Variants in SLCO5A1 observed in about 807,000 individuals in gnomAD.
The protein encoded by SLCO5A1 is solute carrier organic anion transporter family member 5A1, also known as organic anion transporter polypeptide-related protein 4.
SLCO5A1 carries 39 observed loss-of-function variants against 65.1 expected under a neutral mutation model. That is an observed-to-expected ratio of 0.60 (90% CI 0.46 to 0.78). SLCO5A1 has a LOEUF of 0.78. Among genes scored for constraint, SLCO5A1 ranks in the 30% least tolerant of loss-of-function variants. The pLI is 0.00. For synonymous variants in SLCO5A1, 438 were observed against 415.7 expected, an observed-to-expected ratio of 1.05 and a Z score of -0.65; for missense variants, 1,029 against 1,069.4, an observed-to-expected ratio of 0.96 and a Z score of 0.53.
intron 2 of SLCO5A1, 27 bp downstream of exon 2, chr8:69,831,740 A>G (rs773262425): frequency 2.5e-6 from 4 of 1,592,344 alleles, no homozygotes; most frequent in Admixed American, 1.8e-5. Context: ...TGAGTGAAAC[A>G]TATCTGAGAG....
intron 2 of SLCO5A1, among the ~76,000 whole-genome samples, chr8:69,790,696 C>T (rs1309386196): frequency 6.6e-6 from 1 of 152,040 alleles, no homozygotes; most frequent in Non-Finnish European, 1.5e-5. Flanking sequence ...AACTGTGATA[C>T]GTGCACACAT....
At chr8:69,763,176 G>A (rs1817876825) in intron 2 of SLCO5A1, among the ~76,000 whole-genome samples, 1 of 151,944 alleles carries the variant, frequency 6.6e-6, no homozygotes. Flanking sequence ...GGGTGTGGTG[G>A]CACGTGCCTG....
intron 2 of SLCO5A1, among the ~76,000 whole-genome samples, chr8:69,763,140 T>C (rs1233615665): frequency 6.6e-6 from 1 of 151,896 alleles, no homozygotes; most frequent in African/African-American, 2.4e-5. Context: ...TGAAACCTCG[T>C]CTCTACTAAA....
At chr8:69,704,658 A>C (rs1195488466) in intron 6 of SLCO5A1, among the ~76,000 whole-genome samples, 6 of 152,362 alleles carry the variant, frequency 3.9e-5, no homozygotes, top group Admixed American at 6.5e-5. Context: ...GGTAAGAGCA[A>C]GAGGTTTCAC....
chr8:69,757,904 A>C (rs527751918), intron 3 of SLCO5A1, among the ~76,000 whole-genome samples: 2 of 152,254 alleles, frequency 1.3e-5, no homozygotes, highest in East Asian at 3.9e-4. Context: ...GACGGCAGGC[A>C]GTGTAGTGTA....
intron 2 of SLCO5A1, among the ~76,000 whole-genome samples, chr8:69,797,046 T>C (rs1279717822): frequency 6.6e-6 from 1 of 152,232 alleles, no homozygotes; most frequent in African/African-American, 2.4e-5. Flanking sequence ...CTTTCCTTCA[T>C]CTTCCTGTGT....
intron 4 of SLCO5A1, among the ~76,000 whole-genome samples, chr8:69,746,364 A>C (rs1386559519): frequency 6.6e-6 from 1 of 152,142 alleles, no homozygotes; most frequent in Non-Finnish European, 1.5e-5. Flanking sequence ...TTCTTATATA[A>C]AAGTACATTT....
At chr8:69,699,011 A>G (rs1814612518) in intron 6 of SLCO5A1, among the ~76,000 whole-genome samples, 1 of 152,152 alleles carries the variant, frequency 6.6e-6, no homozygotes, top group African/African-American at 2.4e-5. Flanking sequence ...ATTCAGTAAA[A>G]CAGAAAGCGT....
intron 2 of SLCO5A1, among the ~76,000 whole-genome samples, chr8:69,823,079 C>T (rs1336465133): frequency 1.3e-5 from 2 of 152,158 alleles, no homozygotes; most frequent in Non-Finnish European, 2.9e-5. Flanking sequence ...CTACCTAGTT[C>T]GGCATTCTTA....
At chr8:69,741,826 T>G (rs943859747) in intron 4 of SLCO5A1, among the ~76,000 whole-genome samples, 3 of 152,240 alleles carry the variant, frequency 2.0e-5, no homozygotes, top group African/African-American at 7.2e-5. Context: ...CTTGTACCTT[T>G]TTTAAAAGAC....
intron 6 of SLCO5A1, among the ~76,000 whole-genome samples, chr8:69,690,358 G>A (rs563128625): frequency 2.2e-4 from 33 of 152,286 alleles, no homozygotes; most frequent in Admixed American, 1.4e-3. Flanking sequence ...AAATCACATC[G>A]CGTCAACACC....
Position 69,763,659 on chromosome 8 carries a change from T to C in SLCO5A1, c.908-1784A>G, listed in dbSNP as rs1338090601. On this transcript the variant is annotated intron_variant, in intron 2 of 9. Coordinates refer to ENST00000260126, the MANE Select transcript of SLCO5A1 (RefSeq NM_030958.3). ...AAAAAAAAAAAAAAAAAAGGGTGTA[T>C]AGCAAACAACAACAAATTCATTAGC... Among the ~76,000 whole-genome samples the C allele has an allele frequency of 3.5e-5, 3 of 86,680 alleles. 1 individual carries two copies. The highest frequency in any genetic ancestry group is 7.4e-5 in the Non-Finnish European group (3 of 40,386). 56.9% of individuals were successfully genotyped at this position (86,680 alleles called of 152,430 possible). A position where few individuals can be genotyped will look rare whatever the true frequency, so the allele number is the denominator to read the frequency against.
At chr8:69,775,018 A>G (rs1035534558) in intron 2 of SLCO5A1, among the ~76,000 whole-genome samples, 1 of 150,632 alleles carries the variant, frequency 6.6e-6, no homozygotes, top group Middle Eastern at 3.2e-3. Flanking sequence ...TTGTGCAGCA[A>G]TTTTTTTTTT....
At chr8:69,796,686 C>T (rs1273217945) in intron 2 of SLCO5A1, among the ~76,000 whole-genome samples, 1 of 150,810 alleles carries the variant, frequency 6.6e-6, no homozygotes, top group South Asian at 2.1e-4. Context: ...TGTATATATA[C>T]GTGTGTATGT....
intron 2 of SLCO5A1, among the ~76,000 whole-genome samples, chr8:69,775,625 G>A (rs7846675): frequency 0.68 from 103,225 of 152,040 alleles, 36,589 homozygotes; most frequent in African/African-American, 0.89. Flanking sequence ...AAAAGTTAAG[G>A]ATGAATCCCC....
intron 6 of SLCO5A1, among the ~76,000 whole-genome samples, chr8:69,695,813 G>A (rs1025726521): frequency 1.3e-4 from 19 of 151,000 alleles, no homozygotes; most frequent in South Asian, 4.1e-4. Flanking sequence ...AGTTTGAGGG[G>A]ATGGAAGAAA....
intron 4 of SLCO5A1, among the ~76,000 whole-genome samples, chr8:69,754,004 CAAAAAAAAAAA>C (rs71556780): frequency 1.4e-5 from 1 of 73,492 alleles, no homozygotes; most frequent in African/African-American, 4.8e-5. Context: ...TGACCTATCT[CAAAAAAAAAAA>C]AAAAAAAAAA....
intron 2 of SLCO5A1, among the ~76,000 whole-genome samples, chr8:69,820,563 T>C (rs1289834474): frequency 5.3e-5 from 8 of 152,198 alleles, no homozygotes; most frequent in African/African-American, 1.9e-4. Context: ...CTAGTCACAG[T>C]GGCTCACACT....
At chr8:69,741,066 C>T (rs1816770719) in intron 4 of SLCO5A1, among the ~76,000 whole-genome samples, 1 of 152,186 alleles carries the variant, frequency 6.6e-6, no homozygotes, top group South Asian at 2.1e-4. Context: ...ACTCTGCTTT[C>T]TTGTTTCTGC....
Sources: allele counts gnomAD v4.1 joint callset (sites outside exome capture counted in the v4.1 genomes callset), GRCh38; gene constraint gnomAD v4.1.1; transcripts MANE v1.5; gene names NCBI Gene and HGNC (gene_info 2026-07-23, HGNC 2026-07-21).